Variants in ENOX1 observed in about 807,000 individuals in gnomAD.
ENOX1 encodes the protein candidate growth-related and time keeping constitutive hydroquinone (NADH) oxidase.
A neutral mutation model predicts 82.5 loss-of-function variants in ENOX1; 42 were observed. That is an observed-to-expected ratio of 0.51 (90% CI 0.40 to 0.66). The LOEUF is 0.66. ENOX1 is among the 30% of genes least tolerant of loss of function. The pLI is 0.00. For missense variants in ENOX1, 608 were observed against 811.6 expected (o/e 0.75, Z 3.05); for synonymous variants, 271 against 282.2 (o/e 0.96, Z 0.40).
At chr13:43,570,796 T>C (rs548866788) in intron 2 of ENOX1, among the ~76,000 whole-genome samples, 1 of 152,124 alleles carries the variant, frequency 6.6e-6, no homozygotes, top group South Asian at 2.1e-4. Flanking sequence ...TGGAAAGGTG[T>C]GGTGAGAAGG....
chr13:43,580,030 G>C (rs1463431753), intron 2 of ENOX1, among the ~76,000 whole-genome samples: 1 of 152,084 alleles, frequency 6.6e-6, no homozygotes, highest in Non-Finnish European at 1.5e-5. Flanking sequence ...CAAGCAGATA[G>C]TAATCATGCC....
intron 3 of ENOX1, among the ~76,000 whole-genome samples, chr13:43,472,284 C>G (rs1238432257): frequency 6.6e-6 from 1 of 152,086 alleles, no homozygotes; most frequent in Non-Finnish European, 1.5e-5. Context: ...AATAAAACTT[C>G]CTGAGAAAGA....
At chr13:43,597,718 T>C (rs542389227) in intron 2 of ENOX1, among the ~76,000 whole-genome samples, 30 of 152,172 alleles carry the variant, frequency 2.0e-4, no homozygotes, top group Non-Finnish European at 4.1e-4. Context: ...AAGTCTCCCA[T>C]CTCACTCAGA....
rs140248239 is a variant in ENOX1, at chr13:43,540,430, G to C, written c.-218-56278C>G. ...ATGCAGGCTCTCGAATGCAGTTTCA[G>C]ACAAGTTGAAAAAAAGAAAAAAAAC... On this transcript the variant is annotated intron_variant, in intron 2 of 16. Transcript: ENST00000690772. Among the ~76,000 whole-genome samples, 242 of 152,030 alleles carry C rather than the reference G, an allele frequency of 1.6e-3. 2 individuals carry two copies. The highest frequency in any genetic ancestry group is 5.3e-3 in the African/African-American group (219 of 41,454).
chr13:43,572,385 G>C (rs1230129682), intron 2 of ENOX1, among the ~76,000 whole-genome samples: 1 of 152,148 alleles, frequency 6.6e-6, no homozygotes, highest in African/African-American at 2.4e-5. Context: ...TTGCCTTCTT[G>C]CCTGTTGGAA....
At chr13:43,560,626 C>G (rs572449175) in intron 2 of ENOX1, among the ~76,000 whole-genome samples, 1 of 152,154 alleles carries the variant, frequency 6.6e-6, no homozygotes, top group Non-Finnish European at 1.5e-5. Context: ...ATTAGCCCAT[C>G]ATCTGTCATG....
At chr13:43,477,062 A>AT (rs3044069) in intron 3 of ENOX1, among the ~76,000 whole-genome samples, 25 of 151,408 alleles carry the variant, frequency 1.7e-4, no homozygotes, top group Admixed American at 5.3e-4. Flanking sequence ...TAAAAAAAAA[A>AT]TTGAGAAAAA....
intron 12 of ENOX1, among the ~76,000 whole-genome samples, chr13:43,277,952 G>A (rs2045152302): frequency 6.6e-6 from 1 of 152,170 alleles, no homozygotes; most frequent in African/African-American, 2.4e-5. Flanking sequence ...TGCAGCAAGT[G>A]GCGGGGCACC....
chr13:43,304,465 C>T (rs1440980016), intron 11 of ENOX1, among the ~76,000 whole-genome samples: 2 of 152,130 alleles, frequency 1.3e-5, no homozygotes, highest in Non-Finnish European at 2.9e-5. Flanking sequence ...GTAAGTGCCG[C>T]CCATCCCAGA....
intron 11 of ENOX1, among the ~76,000 whole-genome samples, chr13:43,314,196 T>C (rs2047358667): frequency 6.6e-6 from 1 of 152,200 alleles, no homozygotes; most frequent in Non-Finnish European, 1.5e-5. Flanking sequence ...CCCTCTTTGA[T>C]ATCAAGAGCA....
At chr13:43,558,479 G>A (rs1427190778) in intron 2 of ENOX1, among the ~76,000 whole-genome samples, 1 of 152,216 alleles carries the variant, frequency 6.6e-6, no homozygotes. Context: ...ACACTCTGAA[G>A]GAGCCAGGAT....
chr13:43,702,983 A>AAAAG (rs71099842), intron 1 of ENOX1, among the ~76,000 whole-genome samples: 1 of 135,348 alleles, frequency 7.4e-6, no homozygotes, highest in African/African-American at 2.8e-5. Flanking sequence ...AAAAAAAAAA[A>AAAAG]GTTTGAGGAA....
intron 2 of ENOX1, among the ~76,000 whole-genome samples, chr13:43,502,212 GA>G (rs971226681): frequency 1.3e-5 from 2 of 151,566 alleles, no homozygotes; most frequent in Non-Finnish European, 3.0e-5. Context: ...GACAAATAAG[GA>G]GAGCTAATAA....
chr13:43,236,658 T>A lies in ENOX1; in HGVS notation c.1692A>T (p.Ser564=). Reference sequence around the variant, plus strand: ...TACCTATTAGCAGAGCTTCTTTCTCTGATTTTAAGCCTTGGCTTCTTTTCT... The same window carrying A: ...TACCTATTAGCAGAGCTTCTTTCTCAGATTTTAAGCCTTGGCTTCTTTTCT... ...NIEKRSQGLK[S]EKEALLIGII... Residue 564 remains serine, a synonymous_variant, in exon 15 of 17, where the codon TCA becomes TCT. Coordinates refer to ENST00000690772, the MANE Select transcript of ENOX1 (RefSeq NM_001347969.2). The A allele has an allele frequency of 6.3e-7, 1 of 1,583,654 alleles. No individual in the cohort carries two copies. Among genetic ancestry groups the A allele is most frequent in the Non-Finnish European group, 8.5e-7 (1 of 1,171,964 alleles).
intron 2 of ENOX1, among the ~76,000 whole-genome samples, chr13:43,573,739 A>G (rs1335548236): frequency 6.6e-6 from 1 of 152,156 alleles, no homozygotes; most frequent in Admixed American, 6.5e-5. Flanking sequence ...ATTCAAACCC[A>G]TAGTATATTG....
chr13:43,319,395 AAAAAG>A (rs1311652341), intron 11 of ENOX1, among the ~76,000 whole-genome samples: 1 of 152,218 alleles, frequency 6.6e-6, no homozygotes, highest in Non-Finnish European at 1.5e-5. Flanking sequence ...TATATATGGT[AAAAAG>A]AAAAGTACAA....
intron 1 of ENOX1, among the ~76,000 whole-genome samples, chr13:43,730,391 A>T (rs2089272144): frequency 6.6e-6 from 1 of 152,168 alleles, no homozygotes; most frequent in African/African-American, 2.4e-5. Context: ...TAGCCAAACA[A>T]GGACTTGGGG....
intron 3 of ENOX1, among the ~76,000 whole-genome samples, chr13:43,452,518 C>A (rs932692136): frequency 2.0e-5 from 3 of 152,086 alleles, no homozygotes; most frequent in Non-Finnish European, 2.9e-5. Context: ...TCCTGTCCAT[C>A]ATTGTATCTA....
At chr13:43,447,103 T>C (rs75715154) in intron 3 of ENOX1, among the ~76,000 whole-genome samples, 2,204 of 152,256 alleles carry the variant, frequency 0.014, 56 homozygotes, top group African/African-American at 0.05. Context: ...TGGTACAAAA[T>C]AGGAGCTCAA....
Sources: allele counts gnomAD v4.1 joint callset (sites outside exome capture counted in the v4.1 genomes callset), GRCh38; gene constraint gnomAD v4.1.1; transcripts MANE v1.5; gene names NCBI Gene and HGNC (gene_info 2026-07-23, HGNC 2026-07-21).